SLC5A10: variants seen among roughly 807,000 people sequenced by gnomAD.
SLC5A10 encodes sodium/mannose cotransporter SLC5A10.
Under a neutral mutation model 68.9 loss-of-function variants are expected in SLC5A10, and 55 were observed. The observed-to-expected ratio is 0.80, with a 90% CI of 0.64 to 1.00. The LOEUF (loss-of-function observed/expected upper bound fraction) is 1.00. SLC5A10 is among the 50% of genes least tolerant of loss of function. SLC5A10 has a pLI of 0.00. For synonymous variants in SLC5A10, 344 were observed against 344.8 expected, an observed-to-expected ratio of 1.00 and a Z score of 0.02; for missense variants, 732 against 819.3, an observed-to-expected ratio of 0.89 and a Z score of 1.30.
In SLC5A10 at chr17:19,004,139, C is replaced by T; in HGVS notation, c.983-9271C>T. On this transcript the variant is annotated intron_variant, in intron 9 of 14. Coordinates refer to ENST00000395645, the MANE Select transcript of SLC5A10 (RefSeq NM_001042450.4). The surrounding 1 kb of genome is among the most constrained non-coding windows in gnomAD (Gnocchi z 5.4). The stretch of plus-strand genomic sequence containing the variant: ...GGCACCGCGCGCTCGGGGGCCTCTC[C>T]GCGGCCTCTGCTTCTCTGCCCATGA... 2 of 1,215,882 alleles carry T rather than the reference C, an allele frequency of 1.6e-6. No homozygotes were observed. The highest frequency in any genetic ancestry group is 2.5e-5 in the East Asian group (1 of 40,272). The allele number at this position is 1,215,882 out of a possible 1,614,324, so 75.3% of individuals were successfully genotyped here. A position where few individuals can be genotyped will look rare whatever the true frequency, so the allele number is the denominator to read the frequency against.
intron 9 of SLC5A10, among the ~76,000 whole-genome samples, chr17:18,987,407 G>C (rs1357881410): frequency 6.6e-6 from 1 of 152,230 alleles, no homozygotes; most frequent in African/African-American, 2.4e-5. Context: ...TGCAAGAGAA[G>C]TATTCGCCGT....
chr17:18,998,531 G>A (rs1243101283), intron 9 of SLC5A10, among the ~76,000 whole-genome samples: 3 of 152,202 alleles, frequency 2.0e-5, no homozygotes, highest in Non-Finnish European at 1.5e-5. Context: ...TGAACATGAC[G>A]GCAGGCCCTG....
chr17:19,022,316 G>A lies in SLC5A10; in HGVS notation c.*1885G>A. Reference sequence around the variant, plus strand: ...TAGTGCCACCACTGGGCCTCCTGCTGCCCACACCCCTGCCTGTCTGCTGTG... The same window carrying A: ...TAGTGCCACCACTGGGCCTCCTGCTACCCACACCCCTGCCTGTCTGCTGTG... On this transcript the variant is annotated 3_prime_UTR_variant, in exon 15 of 15. Coordinates refer to ENST00000395645, the MANE Select transcript of SLC5A10 (RefSeq NM_001042450.4). The A allele has an allele frequency of 6.3e-6, 3 of 473,612 alleles. No homozygotes were observed. The highest frequency in any genetic ancestry group is 3.5e-5 in the East Asian group (1 of 28,532). The allele number at this position is 473,612 out of a possible 1,614,324, so 29.3% of individuals were successfully genotyped here.
At chr17:19,001,989 G>C (rs1456582408) in intron 9 of SLC5A10, among the ~76,000 whole-genome samples, 2 of 152,164 alleles carry the variant, frequency 1.3e-5, no homozygotes, top group African/African-American at 4.8e-5. Flanking sequence ...CTCTCTGTGG[G>C]GACTGGGTTC....
intron 9 of SLC5A10, among the ~76,000 whole-genome samples, chr17:18,981,980 C>G (rs1195144814): frequency 6.6e-6 from 1 of 152,218 alleles, no homozygotes; most frequent in Admixed American, 6.5e-5. Context: ...GGCTCCTGGC[C>G]CGGCCACAGA....
rs778537190 is a variant in SLC5A10 at position 18,971,475 on chromosome 17, G to A, written c.846+257G>A. The A allele has an allele frequency of 2.5e-6, 4 of 1,614,034 alleles. No individual in the cohort carries two copies. The highest frequency in any genetic ancestry group is 2.5e-6 in the Non-Finnish European group (3 of 1,180,034). ...TTCGACTGAGACAGTTTGGAGTATG[G>A]GATTCCGAAGGGACTCGGATGCTCC... is the stretch of plus-strand genomic sequence containing the variant. On this transcript the variant is annotated intron_variant, in intron 8 of 14. Coordinates refer to ENST00000395645, the MANE Select transcript of SLC5A10 (RefSeq NM_001042450.4). The surrounding 1 kb of genome is among the most constrained non-coding windows in gnomAD (Gnocchi z 5.5).
chr17:19,016,008 C>G (rs1443574456), intron 11 of SLC5A10, among the ~76,000 whole-genome samples: 1 of 151,930 alleles, frequency 6.6e-6, no homozygotes, highest in African/African-American at 2.4e-5. Flanking sequence ...CCCTCACACC[C>G]TCCCAGCGTT....
chr17:19,010,949 G>A (rs2044000066), intron 9 of SLC5A10, among the ~76,000 whole-genome samples: 1 of 152,090 alleles, frequency 6.6e-6, no homozygotes, highest in African/African-American at 2.4e-5. Flanking sequence ...GCTCTTTCTG[G>A]GATCCCTTCT....
chr17:18,965,301 G>C (rs895206580), intron 5 of SLC5A10, among the ~76,000 whole-genome samples: 1 of 152,148 alleles, frequency 6.6e-6, no homozygotes. Context: ...CCGGAGGACG[G>C]TGATGGCCTC....
chr17:19,014,762 C>T (rs749566678), intron 10 of SLC5A10, among the ~76,000 whole-genome samples: 4 of 152,146 alleles, frequency 2.6e-5, no homozygotes, highest in African/African-American at 4.8e-5. Context: ...CAGGCCTGAT[C>T]GCAGCCTCAG....
intron 9 of SLC5A10, among the ~76,000 whole-genome samples, chr17:18,988,829 T>C (rs187950022): frequency 5.3e-4 from 80 of 152,354 alleles, no homozygotes; most frequent in African/African-American, 1.9e-3. Context: ...TCTCTTCCTG[T>C]CAGCTGACAA....
At chr17:18,951,638 T>C, upstream of SLC5A10, 1 of 152,756 alleles carries the variant, frequency 6.5e-6, no homozygotes, top group Non-Finnish European at 1.5e-5. Context: ...GAAGCAGGAC[T>C]TTATTGTCCG....
At chr17:18,967,565 C>T (rs945379717) in intron 5 of SLC5A10, among the ~76,000 whole-genome samples, 2 of 152,222 alleles carry the variant, frequency 1.3e-5, no homozygotes, top group African/African-American at 4.8e-5. Flanking sequence ...AAAGACCGGG[C>T]ACACAGACCC....
rs1301715847 is a variant in SLC5A10 at position 19,020,460 on chromosome 17, G to A, written c.*29G>A. On this transcript the variant is annotated 3_prime_UTR_variant, in exon 15 of 15. Coordinates refer to ENST00000395645, the MANE Select transcript of SLC5A10 (RefSeq NM_001042450.4). Reference sequence around the variant, plus strand: ...TGCCATCCTGGACAGAAAGGCAGGAGCTCTGAGTCCTCAGGTCCACCCATT... The same window carrying A: ...TGCCATCCTGGACAGAAAGGCAGGAACTCTGAGTCCTCAGGTCCACCCATT... 3 of 1,603,246 alleles carry A rather than the reference G, an allele frequency of 1.9e-6. No individual in the cohort carries two copies. The highest frequency in any genetic ancestry group is 2.6e-6 in the Non-Finnish European group (3 of 1,170,992).
chr17:18,973,161 C>T (rs1483591741), intron 8 of SLC5A10, among the ~76,000 whole-genome samples: 1 of 152,234 alleles, frequency 6.6e-6, no homozygotes, highest in Non-Finnish European at 1.5e-5. Flanking sequence ...GCAAGTGGTA[C>T]CCTGCCAGGC....
In SLC5A10 at chr17:18,968,381, G is replaced by A. The variant is rs576642323; in HGVS notation, c.454-671G>A. Among the ~76,000 whole-genome samples the A allele has an allele frequency of 1.3e-5, 2 of 152,326 alleles. No homozygotes were observed. The highest frequency in any genetic ancestry group is 4.1e-4 in the South Asian group (2 of 4,828). ...TCTCACTGGGCCCCTACTGCCAGGT[G>A]GAGGGTGGGATTCTGGTCTTTGAGG... On this transcript the variant is annotated intron_variant, in intron 5 of 14. Coordinates refer to ENST00000395645, the MANE Select transcript of SLC5A10 (RefSeq NM_001042450.4). This position sits in a 1 kb window ranked among gnomAD's most constrained non-coding sequence, Gnocchi z 4.1.
At chr17:18,991,854 G>A (rs973471648) in intron 9 of SLC5A10, among the ~76,000 whole-genome samples, 18 of 152,206 alleles carry the variant, frequency 1.2e-4, no homozygotes, top group Admixed American at 4.6e-4. Context: ...TTGAGGCCTC[G>A]AAGATGCAGC....
intron 8 of SLC5A10, among the ~76,000 whole-genome samples, chr17:18,973,761 C>T (rs556741601): frequency 6.6e-5 from 10 of 151,820 alleles, no homozygotes; most frequent in African/African-American, 2.4e-4. Context: ...GCAGTGGCAC[C>T]ATCTCGGCTC....
rs768763076 is a variant in SLC5A10, at chr17:18,971,674, C to T, written c.846+456C>T. ...GGACGCTGTCAGCAGCAGAGCGGTA[C>T]CTAGGGGGTCCTGGGAAGCCGTCTT... On this transcript the variant is annotated intron_variant, in intron 8 of 14. Transcript: ENST00000395645. This position sits in a 1 kb window ranked among gnomAD's most constrained non-coding sequence, Gnocchi z 5.5. The T allele has an allele frequency of 6.2e-7, 1 of 1,611,162 alleles. No individual in the cohort carries two copies. Among genetic ancestry groups the T allele is most frequent in the South Asian group, 1.1e-5 (1 of 90,970 alleles).
Sources: gnomAD v4.1 joint callset for allele counts (sites outside exome capture counted in the v4.1 genomes callset) on GRCh38, gnomAD v4.1.1 for gene constraint, Gnocchi (gnomAD v3.1) non-coding constraint, MANE v1.5 for transcripts, NCBI Gene and HGNC (gene_info 2026-07-23, HGNC 2026-07-21) for gene names.